The following FAM168A variants were observed in gnomAD, a reference collection of about 807,000 sequenced individuals.
FAM168A encodes the protein family with sequence similarity 168 member A.
Under a neutral mutation model 28.5 loss-of-function variants are expected in FAM168A, and 3 were observed. The observed-to-expected ratio is 0.11, with a 90% CI of 0.05 to 0.27. The LOEUF (loss-of-function observed/expected upper bound fraction) is 0.27, where lower values mean the gene tolerates loss of function less well. Among genes scored for constraint, FAM168A ranks in the 10% least tolerant of loss-of-function variants. The probability of loss-of-function intolerance (pLI) is 1.00; values close to 1 mark genes in which losing one functional copy is unlikely to be tolerated. For missense variants in FAM168A, 222 were observed against 311.5 expected, an observed-to-expected ratio of 0.71 and a Z score of 2.16; for synonymous variants, 122 against 124.2, an observed-to-expected ratio of 0.98 and a Z score of 0.12.
In FAM168A at chr11:73,401,521, G is replaced by C. The variant is rs568128707; in HGVS notation, c.*5242C>G. On this transcript the variant is annotated 3_prime_UTR_variant, in exon 8 of 8. Transcript: ENST00000356467. ...GCTGGGGTCTGGAGATGCTGGTCTT[G>C]CTGGGGTCAGGCCCAAAGCTGATCT... is the stretch of plus-strand genomic sequence containing the variant. The C allele has an allele frequency of 6.6e-6, 1 of 152,338 alleles. No homozygotes were observed. Among genetic ancestry groups the C allele is most frequent in the East Asian group, 1.9e-4 (1 of 5,190 alleles). 9.4% of individuals were successfully genotyped at this position (152,338 alleles called of 1,614,324 possible). A position where few individuals can be genotyped will look rare whatever the true frequency, so the allele number is the denominator to read the frequency against.
At chr11:73,460,797 C>T (rs750469226) in intron 2 of FAM168A, among the ~76,000 whole-genome samples, 1 of 152,194 alleles carries the variant, frequency 6.6e-6, no homozygotes, top group Non-Finnish European at 1.5e-5. Flanking sequence ...AGCCACTGTG[C>T]CCAGCCCCTC....
chr11:73,583,780 G>A (rs1377075821), intron 1 of FAM168A, among the ~76,000 whole-genome samples: 1 of 152,206 alleles, frequency 6.6e-6, no homozygotes, highest in Non-Finnish European at 1.5e-5. Flanking sequence ...AGTACTGGAG[G>A]TAAAACGCAC....
intron 1 of FAM168A, among the ~76,000 whole-genome samples, chr11:73,582,018 A>C (rs2134736050): frequency 6.6e-6 from 1 of 151,816 alleles, no homozygotes; most frequent in South Asian, 2.1e-4. Context: ...CACCCAGCCA[A>C]CTTATTTGTT....
intron 3 of FAM168A, among the ~76,000 whole-genome samples, chr11:73,427,612 C>T (rs1264028836): frequency 6.6e-6 from 1 of 152,072 alleles, no homozygotes; most frequent in African/African-American, 2.4e-5. Flanking sequence ...TTTCCCATTT[C>T]GGAAATGGGG....
chr11:73,487,074 C>A (rs956199066), intron 1 of FAM168A, among the ~76,000 whole-genome samples: 1 of 152,132 alleles, frequency 6.6e-6, no homozygotes, highest in Admixed American at 6.5e-5. Flanking sequence ...AAGACCTCTT[C>A]CTTCTCAGCT....
chr11:73,500,680 T>G (rs1250426520), intron 1 of FAM168A, among the ~76,000 whole-genome samples: 1 of 152,066 alleles, frequency 6.6e-6, no homozygotes, highest in East Asian at 1.9e-4. Flanking sequence ...CAAGAGCTGC[T>G]GAAAGAAGCA....
intron 1 of FAM168A, among the ~76,000 whole-genome samples, chr11:73,583,579 C>A (rs778760049): frequency 1.3e-5 from 2 of 152,164 alleles, no homozygotes; most frequent in African/African-American, 4.8e-5. Flanking sequence ...CCAATCCCAA[C>A]CTAGGAAATC....
chr11:73,450,047 CAATT>C (rs1867398397), intron 2 of FAM168A, among the ~76,000 whole-genome samples: 1 of 152,124 alleles, frequency 6.6e-6, no homozygotes, highest in Non-Finnish European at 1.5e-5. Flanking sequence ...TTTTAGGGGC[CAATT>C]ATTTAGTTTT....
chr11:73,565,541 T>C (rs1049555670), intron 1 of FAM168A, among the ~76,000 whole-genome samples: 1 of 152,120 alleles, frequency 6.6e-6, no homozygotes, highest in African/African-American at 2.4e-5. Flanking sequence ...ATCTGTAAAA[T>C]GGGAAACATT....
At chr11:73,446,472 A>C (rs1052225141) in intron 2 of FAM168A, among the ~76,000 whole-genome samples, 1 of 152,216 alleles carries the variant, frequency 6.6e-6, no homozygotes, top group Non-Finnish European at 1.5e-5. Flanking sequence ...AAGGGATATG[A>C]GAAAATTACC....
In FAM168A at chr11:73,457,746, A is replaced by AAAAAAG. The variant is rs1555022721; in HGVS notation, c.70+10658_70+10659insCTTTTT. On this transcript the variant is annotated intron_variant, in intron 2 of 7. Transcript: ENST00000356467. ...GACAAAAAAAAAAAAAAAAAAAAAA[A>AAAAAAG]AAAAGAAAAGAAAAGAAAGAAAAGA... 1.0e-3 allele frequency among the ~76,000 whole-genome samples: 140 copies of AAAAAAG among 138,468 alleles called. 1 individual carries two copies. The highest frequency in any genetic ancestry group is 3.9e-3 in the African/African-American group (129 of 33,218). 90.8% of individuals were successfully genotyped at this position (138,468 alleles called of 152,430 possible).
chr11:73,549,189 G>A (rs918492136), intron 1 of FAM168A, among the ~76,000 whole-genome samples: 25 of 152,088 alleles, frequency 1.6e-4, no homozygotes, highest in African/African-American at 5.5e-4. Context: ...TGATCCACAC[G>A]CCTCAGCCAC....
chr11:73,550,381 T>G (rs1943811014), intron 1 of FAM168A, among the ~76,000 whole-genome samples: 1 of 152,138 alleles, frequency 6.6e-6, no homozygotes, highest in Admixed American at 6.6e-5. Flanking sequence ...AGGCCAGGCT[T>G]GGTGGCTCAT....
intron 1 of FAM168A, among the ~76,000 whole-genome samples, chr11:73,520,501 G>T (rs949532478): frequency 6.6e-6 from 1 of 152,108 alleles, no homozygotes; most frequent in Non-Finnish European, 1.5e-5. Context: ...CAAGACAAAG[G>T]AACATATGGT....
chr11:73,407,256 A>C (rs886875913), intron 7 of FAM168A, among the ~76,000 whole-genome samples: 1 of 152,252 alleles, frequency 6.6e-6, no homozygotes, highest in Non-Finnish European at 1.5e-5. Flanking sequence ...CAGAGCAACT[A>C]TAAGGATTAT....
chr11:73,400,856 C>T lies in FAM168A; in HGVS notation c.*5907G>A, dbSNP rs1186431164. On this transcript the variant is annotated 3_prime_UTR_variant, in exon 8 of 8. Transcript: ENST00000356467. ...AGTGTTCTACAGCTTACAGTAAATA[C>T]CATAGTTACAAATTCTTGGCTTCAA... 6.6e-6 allele frequency: 1 copy of T among 151,740 alleles called. No individual in the cohort carries two copies. Among genetic ancestry groups the T allele is most frequent in the Non-Finnish European group, 1.5e-5 (1 of 67,974 alleles). 9.4% of individuals were successfully genotyped at this position (151,740 alleles called of 1,614,324 possible).
At chr11:73,554,913 A>C (rs1943872749) in intron 1 of FAM168A, among the ~76,000 whole-genome samples, 1 of 152,200 alleles carries the variant, frequency 6.6e-6, no homozygotes, top group Non-Finnish European at 1.5e-5. Flanking sequence ...CACTGCTAAA[A>C]TCCATAAGTT....
chr11:73,461,599 C>T (rs1356437047), intron 2 of FAM168A, among the ~76,000 whole-genome samples: 1 of 152,128 alleles, frequency 6.6e-6, no homozygotes, highest in African/African-American at 2.4e-5. Context: ...CTGGAGATAC[C>T]TGAATGGTAA....
chr11:73,531,968 CTAA>C (rs1943519337), intron 1 of FAM168A, among the ~76,000 whole-genome samples: 1 of 146,854 alleles, frequency 6.8e-6, no homozygotes, highest in African/African-American at 2.5e-5. Flanking sequence ...TCATGCCTGG[CTAA>C]TTTTTTTTTT....
Sources: allele counts gnomAD v4.1 joint callset (sites outside exome capture counted in the v4.1 genomes callset), GRCh38; gene constraint gnomAD v4.1.1; transcripts MANE v1.5; gene names NCBI Gene and HGNC (gene_info 2026-07-23, HGNC 2026-07-21).